Variants in ARPP21 observed in about 807,000 individuals in gnomAD.
ARPP21 encodes the protein cAMP-regulated phosphoprotein 21.
A neutral mutation model predicts 113.2 loss-of-function variants in ARPP21; 69 were observed. That is an observed-to-expected ratio of 0.61 (90% CI 0.50 to 0.74). The LOEUF (loss-of-function observed/expected upper bound fraction) is 0.74, where lower values mean the gene tolerates loss of function less well. Ranked by LOEUF, ARPP21 falls within the 30% of genes least tolerant of loss-of-function variation. ARPP21 has a pLI of 0.00. For synonymous variants in ARPP21, 368 were observed against 375.5 expected, an observed-to-expected ratio of 0.98 and a Z score of 0.23; for missense variants, 1,070 against 1,037.4, an observed-to-expected ratio of 1.03 and a Z score of -0.43.
At chr3:35,653,369 C>G (rs527668604) in intron 1 of ARPP21, among the ~76,000 whole-genome samples, 2 of 152,116 alleles carry the variant, frequency 1.3e-5, no homozygotes, top group African/African-American at 4.8e-5. Flanking sequence ...ATTATCTCAT[C>G]TGGGTATCAT....
At chr3:35,758,429 CCTT>C (rs1338604087) in intron 19 of ARPP21, among the ~76,000 whole-genome samples, 3 of 152,050 alleles carry the variant, frequency 2.0e-5, no homozygotes, top group Non-Finnish European at 4.4e-5. Context: ...TATTTTTCCA[CCTT>C]CTGTCAAGGG....
intron 19 of ARPP21, among the ~76,000 whole-genome samples, chr3:35,788,520 G>A (rs530672413): frequency 7.6e-4 from 115 of 152,184 alleles, no homozygotes; most frequent in South Asian, 1.5e-3. Context: ...AAATGTGCTT[G>A]GTATAGAAAT....
At chr3:35,711,082 G>C (rs569562390) in intron 11 of ARPP21, among the ~76,000 whole-genome samples, 22 of 152,316 alleles carry the variant, frequency 1.4e-4, no homozygotes, top group Admixed American at 8.5e-4. Flanking sequence ...AAATGCTGTG[G>C]CTTCTTCTCT....
intron 9 of ARPP21, among the ~76,000 whole-genome samples, chr3:35,694,415 A>C (rs1036524986): frequency 1.3e-5 from 2 of 151,508 alleles, no homozygotes; most frequent in Admixed American, 1.3e-4. Context: ...TTCGCCAAGC[A>C]CTTTACATCT....
rs554436477 is a variant in ARPP21 at position 35,679,978 on chromosome 3, T to C, written c.-39+18T>C. 6 of 152,434 alleles carry C rather than the reference T, an allele frequency of 3.9e-5. No homozygotes were observed. Among genetic ancestry groups the C allele is most frequent in the African/African-American group, 1.4e-4 (6 of 41,540 alleles). The allele number at this position is 152,434 out of a possible 1,614,324, so 9.4% of individuals were successfully genotyped here. On this transcript the variant is annotated intron_variant, in intron 2 of 20. Coordinates refer to ENST00000684406, the MANE Select transcript of ARPP21 (RefSeq NM_001385562.1). ...CACCAAAGGTAAAGGTCTTGTTGTC[T>C]GGCTGTCATCTCATCTGCATTTTAG...
chr3:35,740,544 T>C (rs896562692), intron 18 of ARPP21, among the ~76,000 whole-genome samples: 2 of 152,248 alleles, frequency 1.3e-5, no homozygotes, highest in African/African-American at 4.8e-5. Flanking sequence ...ATAGTTCATC[T>C]TCAGTTGCCT....
chr3:35,697,558 T>C (rs1020029168), intron 9 of ARPP21, among the ~76,000 whole-genome samples: 2 of 151,552 alleles, frequency 1.3e-5, no homozygotes, highest in Non-Finnish European at 3.0e-5. Flanking sequence ...TGGAAACCAA[T>C]TGATTTTATT....
Position 35,687,750 on chromosome 3 carries a change from T to C in ARPP21, c.273T>C (p.His91=). 1 of 1,602,458 alleles carries C rather than the reference T, an allele frequency of 6.2e-7. No homozygotes were observed. Among genetic ancestry groups the C allele is most frequent in the Non-Finnish European group, 8.5e-7 (1 of 1,175,504 alleles). ...GESLQDQESI[H]LQLSSFSSLQ... The stretch of plus-strand genomic sequence containing the variant: ...TTTTTCCCCAACAGGAATCAATTCA[T>C]TTACAGCTTTCCAGTTTTTCCAGCC... Residue 91 remains histidine (H), a synonymous_variant, in exon 6 of 21, where the codon CAT becomes CAC. Transcript: ENST00000684406.
chr3:35,766,899 G>A (rs971235581), intron 19 of ARPP21, among the ~76,000 whole-genome samples: 64 of 151,932 alleles, frequency 4.2e-4, no homozygotes, highest in African/African-American at 1.5e-3. Context: ...GTATTCCAAG[G>A]CAATGGTGTG....
chr3:35,649,732 C>T (rs1701660696), intron 1 of ARPP21, among the ~76,000 whole-genome samples: 1 of 152,110 alleles, frequency 6.6e-6, no homozygotes, highest in African/African-American at 2.4e-5. Context: ...CTGCTTTAAG[C>T]AGAACAGGTG....
chr3:35,784,690 C>G lies in ARPP21; in HGVS notation c.2138-7692C>G, dbSNP rs555115141. 8.5e-5 allele frequency among the ~76,000 whole-genome samples: 13 copies of G among 152,234 alleles called. No individual in the cohort carries two copies. In the South Asian group the frequency reaches 2.5e-3, roughly 29 times the overall value. On this transcript the variant is annotated intron_variant, in intron 19 of 20. Coordinates refer to ENST00000684406, the MANE Select transcript of ARPP21 (RefSeq NM_001385562.1). The stretch of plus-strand genomic sequence containing the variant: ...CCACCAGAACAATATTATTGTTAAA[C>G]CTACCACTAGAACAATCTTTGAGCA...
intron 1 of ARPP21, among the ~76,000 whole-genome samples, chr3:35,656,127 A>G (rs140370494): frequency 1.3e-4 from 20 of 152,230 alleles, no homozygotes; most frequent in African/African-American, 4.8e-4. Context: ...AAAGGAGTAG[A>G]TGAGGATAGT....
intron 19 of ARPP21, among the ~76,000 whole-genome samples, chr3:35,782,896 AG>A (rs1325432223): frequency 1.3e-5 from 2 of 152,092 alleles, no homozygotes; most frequent in Non-Finnish European, 2.9e-5. Context: ...AGCTTCTCAA[AG>A]GAATTCTTTT....
chr3:35,707,881 T>C (rs964354656), intron 10 of ARPP21, among the ~76,000 whole-genome samples: 1 of 152,090 alleles, frequency 6.6e-6, no homozygotes, highest in African/African-American at 2.4e-5. Context: ...AATTTTTAAA[T>C]GATGATAACA....
chr3:35,647,615 T>A (rs1700730267), intron 1 of ARPP21, among the ~76,000 whole-genome samples: 1 of 152,196 alleles, frequency 6.6e-6, no homozygotes, highest in Admixed American at 6.5e-5. Context: ...AAGTGGTGTA[T>A]CTGAATCGCA....
intron 19 of ARPP21, among the ~76,000 whole-genome samples, chr3:35,748,074 G>GAA (rs2095209013): frequency 9.5e-6 from 1 of 105,694 alleles, no homozygotes; most frequent in Non-Finnish European, 1.9e-5. Context: ...AAGGAAGAAA[G>GAA]AAAGAAAGAA....
intron 9 of ARPP21, among the ~76,000 whole-genome samples, chr3:35,697,891 GCAT>G (rs2149783273): frequency 6.6e-6 from 1 of 151,698 alleles, no homozygotes; most frequent in South Asian, 2.1e-4. Flanking sequence ...AATAAACTGA[GCAT>G]CATCCTGATG....
intron 11 of ARPP21, among the ~76,000 whole-genome samples, chr3:35,712,514 CTGTGTGTGTGTGTGTG>C (rs10579469): frequency 1.7e-4 from 23 of 132,842 alleles, no homozygotes; most frequent in Non-Finnish European, 3.0e-4. Flanking sequence ...TCTAAGGTGT[CTGTGTGTGTGTGTGTG>C]TGTGTGTGTG....
intron 9 of ARPP21, among the ~76,000 whole-genome samples, chr3:35,700,435 C>A (rs763922301): frequency 6.6e-6 from 1 of 151,150 alleles, no homozygotes; most frequent in African/African-American, 2.4e-5. Flanking sequence ...GGGAGTGGAG[C>A]TTTGAGTCAT....
Sources: allele counts gnomAD v4.1 joint callset (sites outside exome capture counted in the v4.1 genomes callset), GRCh38; gene constraint gnomAD v4.1.1; transcripts MANE v1.5; gene names NCBI Gene and HGNC (gene_info 2026-07-23, HGNC 2026-07-21).